Variants in RASAL2 observed in about 807,000 individuals in gnomAD.
RASAL2 encodes RAS protein activator like 2, also known as ras GTPase-activating protein nGAP.
RASAL2 carries 58 observed loss-of-function variants against 128.9 expected under a neutral mutation model. The observed-to-expected ratio is 0.45, with a 90% CI of 0.36 to 0.56. RASAL2 has a LOEUF of 0.56. RASAL2 is among the 20% of genes least tolerant of loss of function. RASAL2 has a pLI of 0.00. For missense variants in RASAL2, 1,360 were observed against 1,601.6 expected (o/e 0.85, Z 2.57); for synonymous variants, 561 against 580.8 (o/e 0.97, Z 0.49).
chr1:178,206,900 C>T (rs776835085), intron 1 of RASAL2, among the ~76,000 whole-genome samples: 6 of 152,018 alleles, frequency 3.9e-5, no homozygotes, highest in Admixed American at 2.0e-4. Context: ...CTCAGCCAGA[C>T]GAGGTGGCTT....
At chr1:178,392,378 C>T (rs1406880406) in intron 4 of RASAL2, among the ~76,000 whole-genome samples, 2 of 152,008 alleles carry the variant, frequency 1.3e-5, no homozygotes, top group Non-Finnish European at 2.9e-5. Context: ...ACTGATGCTT[C>T]CAGGGATTAT....
chr1:178,349,388 C>T (rs572234957), intron 3 of RASAL2, among the ~76,000 whole-genome samples: 165 of 152,056 alleles, frequency 1.1e-3, no homozygotes, highest in African/African-American at 3.3e-3. Context: ...TGTGCCACTG[C>T]ACTCCAGCCT....
intron 1 of RASAL2, among the ~76,000 whole-genome samples, chr1:178,242,885 G>T (rs1032748688): frequency 1.3e-5 from 2 of 151,670 alleles, no homozygotes; most frequent in East Asian, 3.9e-4. Context: ...CTTTTATAAG[G>T]TTTTTTTCTT....
chr1:178,128,251 T>C (rs1202648534), intron 1 of RASAL2, among the ~76,000 whole-genome samples: 1 of 152,136 alleles, frequency 6.6e-6, no homozygotes, highest in Admixed American at 6.5e-5. Context: ...TGTGAACAAA[T>C]GAAGTGCCTA....
At chr1:178,310,261 T>C (rs2102299725) in intron 3 of RASAL2, among the ~76,000 whole-genome samples, 2 of 152,286 alleles carry the variant, frequency 1.3e-5, no homozygotes, top group Admixed American at 1.3e-4. Flanking sequence ...TTACCTAAAA[T>C]AAATCAATTG....
At chr1:178,131,626 C>G (rs1227865712) in intron 1 of RASAL2, among the ~76,000 whole-genome samples, 1 of 152,028 alleles carries the variant, frequency 6.6e-6, no homozygotes, top group Non-Finnish European at 1.5e-5. Context: ...TTTCCAAAAA[C>G]CTGACACTTA....
At chr1:178,369,235 C>G (rs1671571405) in intron 3 of RASAL2, among the ~76,000 whole-genome samples, 1 of 151,588 alleles carries the variant, frequency 6.6e-6, no homozygotes, top group African/African-American at 2.4e-5. Flanking sequence ...TGCACTCTTA[C>G]TAGGGTGCAG....
At chr1:178,446,619 GCTCAACAGCCA>G (rs1677019042) in intron 9 of RASAL2, among the ~76,000 whole-genome samples, 1 of 152,140 alleles carries the variant, frequency 6.6e-6, no homozygotes, top group African/African-American at 2.4e-5. Flanking sequence ...CATTTCTAAT[GCTCAACAGCCA>G]CGTGTGACTA....
At chr1:178,427,886 A>T (rs979161187) in intron 5 of RASAL2, among the ~76,000 whole-genome samples, 8 of 152,092 alleles carry the variant, frequency 5.3e-5, no homozygotes, top group African/African-American at 1.7e-4. Flanking sequence ...CATTACCAAG[A>T]AAGAACTCCC....
chr1:178,328,846 A>T (rs1669159782), intron 3 of RASAL2, among the ~76,000 whole-genome samples: 1 of 152,128 alleles, frequency 6.6e-6, no homozygotes, highest in African/African-American at 2.4e-5. Flanking sequence ...CACAATTACC[A>T]GTAGGGTATT....
At chr1:178,125,798 G>T (rs948797404) in intron 1 of RASAL2, among the ~76,000 whole-genome samples, 1 of 152,090 alleles carries the variant, frequency 6.6e-6, no homozygotes. Context: ...GACTAATTGC[G>T]TAAGACATCT....
At chr1:178,354,723 T>C (rs942487618) in intron 3 of RASAL2, among the ~76,000 whole-genome samples, 1 of 152,170 alleles carries the variant, frequency 6.6e-6, no homozygotes. Context: ...AATAACAAAA[T>C]GTAATAACCT....
chr1:178,259,493 T>G (rs1665554727), intron 1 of RASAL2, among the ~76,000 whole-genome samples: 1 of 152,220 alleles, frequency 6.6e-6, no homozygotes, highest in Non-Finnish European at 1.5e-5. Context: ...TTGTACACTT[T>G]AAATGGCTAA....
chr1:178,314,141 A>T (rs1223455611), intron 3 of RASAL2, among the ~76,000 whole-genome samples: 1 of 152,172 alleles, frequency 6.6e-6, no homozygotes, highest in Non-Finnish European at 1.5e-5. Context: ...CGATAGTAAA[A>T]TACATAAGAA....
chr1:178,144,349 A>G (rs900252381), intron 1 of RASAL2, among the ~76,000 whole-genome samples: 1 of 152,206 alleles, frequency 6.6e-6, no homozygotes, highest in Non-Finnish European at 1.5e-5. Flanking sequence ...TGAGTTCAAC[A>G]TATATTACAA....
chr1:178,166,728 A>G (rs1661526708), intron 1 of RASAL2, among the ~76,000 whole-genome samples: 2 of 152,176 alleles, frequency 1.3e-5, no homozygotes, highest in South Asian at 2.1e-4. Context: ...TCAAATATGA[A>G]GACTATACAT....
chr1:178,349,906 T>A (rs1414001783), intron 3 of RASAL2, among the ~76,000 whole-genome samples: 1 of 152,210 alleles, frequency 6.6e-6, no homozygotes, highest in Non-Finnish European at 1.5e-5. Context: ...AGACGCCTAA[T>A]AAATGTTAAT....
chr1:178,159,687 G>A (rs957804333), intron 1 of RASAL2, among the ~76,000 whole-genome samples: 5 of 152,074 alleles, frequency 3.3e-5, no homozygotes, highest in East Asian at 1.9e-4. Flanking sequence ...CCAGCACTTC[G>A]GGAGGCCAAG....
intron 2 of RASAL2, among the ~76,000 whole-genome samples, chr1:178,299,308 T>C (rs1667656563): frequency 6.6e-6 from 1 of 152,192 alleles, no homozygotes; most frequent in African/African-American, 2.4e-5. Context: ...TGATCAACTT[T>C]TATTTCCATT....
Sources: allele counts gnomAD v4.1 joint callset (sites outside exome capture counted in the v4.1 genomes callset), GRCh38; gene constraint gnomAD v4.1.1; transcripts MANE v1.5; gene names NCBI Gene and HGNC (gene_info 2026-07-23, HGNC 2026-07-21).